Variants in NABP1 observed in about 807,000 individuals in gnomAD.
The protein encoded by NABP1 is SOSS complex subunit B2.
Under a neutral mutation model 25.0 loss-of-function variants are expected in NABP1, and 18 were observed. The ratio of observed to expected loss-of-function variants is 0.72; its 90% CI spans 0.50 to 1.07. The LOEUF (loss-of-function observed/expected upper bound fraction) is 1.07. NABP1 is among the 50% of genes least tolerant of loss of function. NABP1 has a pLI of 0.00. For synonymous variants in NABP1, 71 were observed against 85.0 expected (o/e 0.84, Z 0.91); for missense variants, 270 against 255.6 (o/e 1.06, Z -0.39).
intron 3 of NABP1, chr2:191,682,788 G>A: frequency 4.0e-6 from 1 of 247,134 alleles, no homozygotes. Flanking sequence ...GTTTGCCACT[G>A]AGGGAATAAG....
chr2:191,680,291 A>AGAAT (rs1687650463), intron 2 of NABP1, among the ~76,000 whole-genome samples: 1 of 152,226 alleles, frequency 6.6e-6, no homozygotes, highest in Non-Finnish European at 1.5e-5. Context: ...CCTAATAAGT[A>AGAAT]GAATCTTAGA....
rs993454666 is a variant in NABP1, at chr2:191,686,890, A to G, written c.*1122A>G. On this transcript the variant is annotated 3_prime_UTR_variant, in exon 6 of 6. Coordinates refer to ENST00000425611, the MANE Select transcript of NABP1 (RefSeq NM_001031716.5). ...GTAGGGTGGATAACTCTTAGGATTT[A>G]ACTCTTTGAATATTATCTCTTGAAT... The G allele has an allele frequency of 6.6e-6, 1 of 152,652 alleles. No homozygotes were observed. Among genetic ancestry groups the G allele is most frequent in the African/African-American group, 2.4e-5 (1 of 41,468 alleles). 9.5% of individuals were successfully genotyped at this position (152,652 alleles called of 1,614,324 possible). A position where few individuals can be genotyped will look rare whatever the true frequency, so the allele number is the denominator to read the frequency against.
Position 191,678,654 on chromosome 2 carries a change from A to G in NABP1, c.40A>G (p.Ile14Val). 3.1e-6 allele frequency: 5 copies of G among 1,613,818 alleles called. No homozygotes were observed. In the South Asian group the frequency reaches 5.5e-5, roughly 18 times the overall value. Residue 14 changes from isoleucine (I) to valine (V), a missense_variant, in exon 1 of 6, where the codon ATT (isoleucine) becomes GTT (valine). Physicochemically the swap from Ile to Val is conservative, Grantham distance 29. Coordinates refer to ENST00000425611, the MANE Select transcript of NABP1 (RefSeq NM_001031716.5). ...CGACCCACTTATTTTTATAAGAGAT[A>G]TTAAGCCCGGACTGAAAAACTTAAA... Reference protein sequence around the residue: ...VNDPLIFIRDIKPGLKNLNVV... With the variant: ...VNDPLIFIRDVKPGLKNLNVV...
intron 2 of NABP1, among the ~76,000 whole-genome samples, chr2:191,680,874 G>C (rs1276452738): frequency 6.6e-6 from 1 of 152,172 alleles, no homozygotes; most frequent in Non-Finnish European, 1.5e-5. Context: ...CACTCAGCTT[G>C]GAGTCTGGCT....
intron 2 of NABP1, 34 bp downstream of exon 2, chr2:191,679,162 TCTG>T (rs1338031924): frequency 6.2e-7 from 1 of 1,613,112 alleles, no homozygotes; most frequent in Admixed American, 1.7e-5. Flanking sequence ...GACCTAACAG[TCTG>T]CAGAATCGGG....
At chr2:191,682,644 T>TATTCA in intron 3 of NABP1, 1 of 463,026 alleles carries the variant, frequency 2.2e-6, no homozygotes, top group Non-Finnish European at 4.5e-6. Context: ...ATTCATAAAG[T>TATTCA]ATGGTACAGG....
intron 5 of NABP1, 114 bp downstream of exon 5, chr2:191,684,410 A>G (rs1009507865): frequency 1.3e-5 from 8 of 629,468 alleles, no homozygotes; most frequent in Non-Finnish European, 2.0e-5. Flanking sequence ...AAGGTGAACT[A>G]CCAGTAAACA....
Position 191,682,002 on chromosome 2 carries a change from T to C in NABP1, c.287T>C (p.Leu96Pro), listed in dbSNP as rs1574137193. The stretch of plus-strand genomic sequence containing the variant: ...CTTTATACTGGAAGGGGTGGTGAAC[T>C]TCAAAAAATTGGGGAGTAAGTATTA... The part of the protein sequence containing the change: ...LTLYTGRGGE[L>P]QKIGEFCMVY... The change falls in exon 3 of 6, where the codon CTT becomes CCT. Residue 96 changes from leucine to proline, a missense_variant. Coordinates refer to ENST00000425611, the MANE Select transcript of NABP1 (RefSeq NM_001031716.5). 1 of 1,500,298 alleles carries C rather than the reference T, an allele frequency of 6.7e-7. No homozygotes were observed. The highest frequency in any genetic ancestry group is 8.9e-7 in the Non-Finnish European group (1 of 1,129,928). 92.9% of individuals were successfully genotyped at this position (1,500,298 alleles called of 1,614,324 possible).
At chr2:191,685,392 T>C (rs1333413860) in intron 5 of NABP1, among the ~76,000 whole-genome samples, 1 of 152,216 alleles carries the variant, frequency 6.6e-6, no homozygotes, top group Non-Finnish European at 1.5e-5. Flanking sequence ...TTGGCTTTTT[T>C]CTCTCTATTA....
In NABP1 at chr2:191,679,081, G is replaced by C. The variant is rs765722304; in HGVS notation, c.183G>C (p.Glu61Asp). The change falls in exon 2 of 6, where the codon GAG becomes GAC. Residue 61 changes from glutamate (E) to aspartate (D), a missense_variant. Glu to Asp is a conservative substitution (Grantham distance 45, BLOSUM62 2). Transcript: ENST00000425611. ...TGSITISVWDEIGGLIQPGDI... is the reference protein window; with the variant it reads ...TGSITISVWDDIGGLIQPGDI... ...GCATCACTATTTCCGTGTGGGATGA[G>C]ATCGGAGGTCTTATACAGCCAGGGG... 2 of 1,614,210 alleles carry C rather than the reference G, an allele frequency of 1.2e-6. No individual in the cohort carries two copies. Among genetic ancestry groups the C allele is most frequent in the South Asian group, 2.2e-5 (2 of 91,074 alleles).
chr2:191,678,646 T>C lies in NABP1; in HGVS notation c.32T>C (p.Ile11Thr). 1 of 1,613,690 alleles carries C rather than the reference T, an allele frequency of 6.2e-7. No homozygotes were observed. Among genetic ancestry groups the C allele is most frequent in the Non-Finnish European group, 8.5e-7 (1 of 1,179,834 alleles). Residue 11 changes from isoleucine to threonine, a missense_variant, in exon 1 of 6, where the codon ATA becomes ACA. Ile to Thr is a moderately conservative substitution (Grantham distance 89). Coordinates refer to ENST00000425611, the MANE Select transcript of NABP1 (RefSeq NM_001031716.5). ...AGGGTCAACGACCCACTTATTTTTA[T>C]AAGAGATATTAAGCCCGGACTGAAA... MNRVNDPLIF[I>T]RDIKPGLKNL...
Position 191,678,621 on chromosome 2 carries a change from A to T in NABP1, c.7A>T (p.Arg3Trp). MN[R>W]VNDPLIFIRD... The stretch of plus-strand genomic sequence containing the variant: ...TAGCCGCGCCTGTCCCAATATGAAT[A>T]GGGTCAACGACCCACTTATTTTTAT... The change falls in exon 1 of 6, where the codon AGG becomes TGG. Residue 3 changes from arginine to tryptophan, a missense_variant. By Grantham distance (101) the Arg-to-Trp change is moderately radical. Transcript: ENST00000425611. The T allele has an allele frequency of 1.2e-6, 2 of 1,610,144 alleles. No homozygotes were observed. Among genetic ancestry groups the T allele is most frequent in the East Asian group, 4.5e-5 (2 of 44,844 alleles).
rs1462321051 is a variant in NABP1, at chr2:191,678,715, G to T, written c.91+10G>T. ...ATTGTCCTGGAGATAGGTAAGTGGG[G>T]TTTGCAGCCTACTCCACCGCCCGCT... On this transcript the variant is annotated intron_variant, in intron 1 of 5. Coordinates refer to ENST00000425611, the MANE Select transcript of NABP1 (RefSeq NM_001031716.5). The T allele has an allele frequency of 6.2e-7, 1 of 1,609,324 alleles. No individual in the cohort carries two copies. Among genetic ancestry groups the T allele is most frequent in the Non-Finnish European group, 8.5e-7 (1 of 1,177,076 alleles).
intron 1 of NABP1, 32 bp downstream of exon 1, chr2:191,678,737 C>A: frequency 1.3e-6 from 2 of 1,578,664 alleles, no homozygotes; most frequent in Non-Finnish European, 1.7e-6. Flanking sequence ...CTCCACCGCC[C>A]GCTGTGCCTC....
In NABP1 at chr2:191,681,952, A is replaced by G; in HGVS notation, c.237A>G (p.Ala79=). 1 of 1,519,912 alleles carries G rather than the reference A, an allele frequency of 6.6e-7. No individual in the cohort carries two copies. The highest frequency in any genetic ancestry group is 8.8e-7 in the Non-Finnish European group (1 of 1,138,088). The allele number at this position is 1,519,912 out of a possible 1,614,324, so 94.2% of individuals were successfully genotyped here. A position where few individuals can be genotyped will look rare whatever the true frequency, so the allele number is the denominator to read the frequency against. Residue 79 remains alanine (A), a synonymous_variant, in exon 3 of 6, where the codon GCA becomes GCG. Coordinates refer to ENST00000425611, the MANE Select transcript of NABP1 (RefSeq NM_001031716.5). ...ATGTTTCTTTTCTCTCTAGGTATGC[A>G]TCCATGTGGAAAGGATGTCTGACAC... ...GDIIRLTRGY[A]SMWKGCLTLY... is the part of the protein sequence containing the mutation.
intron 2 of NABP1, among the ~76,000 whole-genome samples, chr2:191,680,217 G>A (rs1226239961): frequency 6.6e-6 from 1 of 152,176 alleles, no homozygotes. Context: ...GGAAGCTTTT[G>A]AGATCAATAA....
chr2:191,681,264 C>T (rs987301578), intron 2 of NABP1, among the ~76,000 whole-genome samples: 2 of 152,000 alleles, frequency 1.3e-5, no homozygotes, highest in African/African-American at 4.8e-5. Flanking sequence ...GAGAACCAAA[C>T]CTTGGATTGA....
rs759492848 is a variant in NABP1, at chr2:191,678,575, C to A, written c.-40C>A. The A allele has an allele frequency of 2.7e-6, 4 of 1,484,900 alleles. No individual in the cohort carries two copies. The highest frequency in any genetic ancestry group is 3.7e-6 in the Non-Finnish European group (4 of 1,070,652). The allele number at this position is 1,484,900 out of a possible 1,614,324, so 92.0% of individuals were successfully genotyped here. ...GTGGGAAGCTTTGACCCCGCCCTGC[C>A]CACTCGCGTCTCCGCAGCCGTAGCC... On this transcript the variant is annotated 5_prime_UTR_variant, in exon 1 of 6. Transcript: ENST00000425611.
At position 191,685,590 on chromosome 2, in the gene NABP1, C is replaced by CTT; in HGVS notation, c.446-4_446-3dup. 6.3e-7 allele frequency: 1 copy of CTT among 1,599,452 alleles called. No individual in the cohort carries two copies. On this transcript the variant is annotated splice_polypyrimidine_tract_variant and intron_variant, in intron 5 of 5. Transcript: ENST00000425611. ...GAAAATAGTGATGAATTTTTGTATT[C>CTT]TTTTTTAGGAAATGGTGTTCACACT...
Sources: gnomAD v4.1 joint callset for allele counts (sites outside exome capture counted in the v4.1 genomes callset) on GRCh38, gnomAD v4.1.1 for gene constraint, MANE v1.5 for transcripts, NCBI Gene and HGNC (gene_info 2026-07-23, HGNC 2026-07-21) for gene names.